The following PPFIA2 variants were observed in gnomAD, a reference collection of about 807,000 sequenced individuals.
PPFIA2 encodes the protein PPFI scaffold protein A2.
PPFIA2 carries 46 observed loss-of-function variants against 175.5 expected under a neutral mutation model. The observed-to-expected ratio is 0.26, with a 90% CI of 0.21 to 0.34. The LOEUF (loss-of-function observed/expected upper bound fraction) is 0.34. PPFIA2 is among the 10% of genes least tolerant of loss of function. The pLI, the probability that PPFIA2 is intolerant of heterozygous loss-of-function variation, is 1.00. For synonymous variants in PPFIA2, 568 were observed against 511.4 expected (o/e 1.11, Z -1.49); for missense variants, 1,179 against 1,506.1 (o/e 0.78, Z 3.60).
In PPFIA2 at chr12:81,468,468, A is replaced by C. The variant is rs189314767; in HGVS notation, c.304-10602T>G. Reference sequence around the variant, plus strand: ...ATTTTCAACAGCTCTGACAGTGTAAAGCAGGAGGCATGTTTGACAAGATGC... The same window carrying C: ...ATTTTCAACAGCTCTGACAGTGTAACGCAGGAGGCATGTTTGACAAGATGC... On this transcript the variant is annotated intron_variant, in intron 4 of 32. Transcript: ENST00000549396. Among the ~76,000 whole-genome samples the C allele has an allele frequency of 1.9e-3, 288 of 152,312 alleles. 6 individuals carry two copies. Among genetic ancestry groups the C allele is most frequent in the Admixed American group, 0.018 (281 of 15,286 alleles).
intron 23 of PPFIA2, among the ~76,000 whole-genome samples, chr12:81,296,010 A>G (rs1221812554): frequency 1.3e-5 from 2 of 151,266 alleles, no homozygotes; most frequent in African/African-American, 2.4e-5. Flanking sequence ...AAAGAAAACA[A>G]CAACAAAAAA....
chr12:81,603,957 A>T (rs1205322097), intron 4 of PPFIA2, among the ~76,000 whole-genome samples: 1 of 151,588 alleles, frequency 6.6e-6, no homozygotes, highest in African/African-American at 2.4e-5. Flanking sequence ...AAATGCCTTA[A>T]ATTTGCCTGG....
chr12:81,277,877 G>C, intron 27 of PPFIA2, among the ~76,000 whole-genome samples: 1 of 152,120 alleles, frequency 6.6e-6, no homozygotes, highest in African/African-American at 2.4e-5. Flanking sequence ...ATACTAAAAT[G>C]AGTAGCTCAT....
rs1567688409 is a variant in PPFIA2 at position 81,642,734 on chromosome 12, T to TGC, written c.303+34056_303+34057insGC. ...TGTATGTATTATATACATACATGTA[T>TGC]ATGTATGTATGTATTATATACATAC... On this transcript the variant is annotated intron_variant, in intron 4 of 32. Transcript: ENST00000549396. Among the ~76,000 whole-genome samples the TGC allele has an allele frequency of 4.5e-4, 4 of 8,966 alleles. 1 individual carries two copies. Among genetic ancestry groups the TGC allele is most frequent in the African/African-American group, 1.4e-3 (4 of 2,930 alleles). The allele number at this position is 8,966 out of a possible 152,430, so 5.9% of individuals were successfully genotyped here.
At chr12:81,325,260 G>C (rs765722997) in intron 22 of PPFIA2, among the ~76,000 whole-genome samples, 1 of 152,024 alleles carries the variant, frequency 6.6e-6, no homozygotes, top group Admixed American at 6.6e-5. Context: ...GGCCAATTTT[G>C]CAAGTCATTT....
intron 4 of PPFIA2, among the ~76,000 whole-genome samples, chr12:81,480,769 TC>T (rs2058116844): frequency 6.6e-6 from 1 of 152,170 alleles, no homozygotes; most frequent in Non-Finnish European, 1.5e-5. Context: ...TGCTGCCTGT[TC>T]CTTCATCTGG....
chr12:81,544,683 T>C (rs768884692), intron 4 of PPFIA2, among the ~76,000 whole-genome samples: 1 of 152,172 alleles, frequency 6.6e-6, no homozygotes, highest in Non-Finnish European at 1.5e-5. Flanking sequence ...AAGACCACTG[T>C]TGAAGTATTT....
intron 24 of PPFIA2, 107 bp downstream of exon 24, chr12:81,294,726 TAA>T: frequency 2.0e-6 from 2 of 1,014,900 alleles, no homozygotes; most frequent in South Asian, 2.9e-5. Flanking sequence ...CTCTTGAGAA[TAA>T]TTCAAGCTGA....
At chr12:81,541,318 C>T (rs2153342147) in intron 4 of PPFIA2, among the ~76,000 whole-genome samples, 1 of 152,038 alleles carries the variant, frequency 6.6e-6, no homozygotes, top group South Asian at 2.1e-4. Context: ...GTTTGTGGCT[C>T]ATTCACATCT....
At chr12:81,263,133 C>G in intron 31 of PPFIA2, 98 bp downstream of exon 31, 1 of 1,256,524 alleles carries the variant, frequency 8.0e-7, no homozygotes, top group Non-Finnish European at 1.1e-6. Context: ...AGCAAACCAA[C>G]TCAAGAAAAT....
intron 6 of PPFIA2, among the ~76,000 whole-genome samples, chr12:81,444,634 A>G (rs553991692): frequency 4.6e-5 from 7 of 152,214 alleles, no homozygotes; most frequent in African/African-American, 1.7e-4. Flanking sequence ...CACTCCACAT[A>G]ATCCCCTGTT....
In PPFIA2 at chr12:81,260,045, AT is replaced by A. The variant is rs554278444; in HGVS notation, c.*34-386del. On this transcript the variant is annotated intron_variant, in intron 32 of 32. Coordinates refer to ENST00000549396, the MANE Select transcript of PPFIA2 (RefSeq NM_003625.5). Reference sequence around the variant, plus strand: ...TCATATATTTTAGAGTTCTTAAAAAATACCTTTATTTGTTACAAAAACATAA... The same window carrying A: ...TCATATATTTTAGAGTTCTTAAAAAAACCTTTATTTGTTACAAAAACATAA... 1.7e-3 allele frequency: 270 copies of A among 160,662 alleles called. 3 individuals carry two copies. Among genetic ancestry groups the A allele is most frequent in the African/African-American group, 6.0e-3 (252 of 41,892 alleles). The allele number at this position is 160,662 out of a possible 1,614,324, so 10.0% of individuals were successfully genotyped here.
At chr12:81,497,213 T>A (rs1010262638) in intron 4 of PPFIA2, among the ~76,000 whole-genome samples, 1 of 152,206 alleles carries the variant, frequency 6.6e-6, no homozygotes, top group Non-Finnish European at 1.5e-5. Context: ...CTCTTACTGA[T>A]TTTTATTTGT....
chr12:81,594,899 C>A (rs906632318), intron 4 of PPFIA2, among the ~76,000 whole-genome samples: 7 of 151,886 alleles, frequency 4.6e-5, no homozygotes, highest in African/African-American at 1.5e-4. Context: ...GGCAACAGAG[C>A]GAGATGCTGT....
intron 14 of PPFIA2, among the ~76,000 whole-genome samples, chr12:81,366,261 C>G (rs1453162892): frequency 1.3e-5 from 2 of 151,590 alleles, no homozygotes; most frequent in East Asian, 3.9e-4. Context: ...AAGGAAAATA[C>G]TATTAGCAAT....
rs1250990944 is a variant in PPFIA2, at chr12:81,375,835, T to C, written c.1092A>G (p.Leu364=). The part of the protein sequence containing the change: ...STSIHDMNDK[L]ENELANKEAI... ...CTTCTTTATTTGCTAACTCATTTTC[T>C]AGTTTATCATTCATGTCATGTATGG... Residue 364 remains leucine (L), a synonymous_variant, in exon 10 of 33, where the codon CTA becomes CTG. Transcript: ENST00000549396. 2 of 1,609,608 alleles carry C rather than the reference T, an allele frequency of 1.2e-6. No individual in the cohort carries two copies.
At chr12:81,752,678 T>C (rs538521105) in intron 3 of PPFIA2, among the ~76,000 whole-genome samples, 4 of 152,232 alleles carry the variant, frequency 2.6e-5, no homozygotes, top group Non-Finnish European at 5.9e-5. Flanking sequence ...AATATCTCTA[T>C]GAGTTAATAG....
chr12:81,683,856 G>A (rs1328115647), intron 3 of PPFIA2, among the ~76,000 whole-genome samples: 1 of 152,060 alleles, frequency 6.6e-6, no homozygotes, highest in African/African-American at 2.4e-5. Flanking sequence ...CTGCATCTGA[G>A]CAGGGCCTTA....
In PPFIA2 at chr12:81,608,905, C is replaced by A. The variant is rs920480760; in HGVS notation, c.303+67886G>T. 2.0e-5 allele frequency among the ~76,000 whole-genome samples: 3 copies of A among 151,888 alleles called. No individual in the cohort carries two copies. The East Asian group carries it at 5.8e-4, about 29-fold the overall frequency. On this transcript the variant is annotated intron_variant, in intron 4 of 32. Transcript: ENST00000549396. ...GTTAGAGTGCTAATTTGAACTCTTT[C>A]TAACTTTTTAATGAAGGTATTTAGG...
Sources: allele counts gnomAD v4.1 joint callset (sites outside exome capture counted in the v4.1 genomes callset), GRCh38; gene constraint gnomAD v4.1.1; transcripts MANE v1.5; gene names NCBI Gene and HGNC (gene_info 2026-07-23, HGNC 2026-07-21).